The following HERC1 variants were observed in gnomAD, a reference collection of about 807,000 sequenced individuals.
HERC1 encodes HECT and RLD domain containing E3 ubiquitin protein ligase family member 1, also known as probable E3 ubiquitin-protein ligase HERC1.
HERC1 carries 160 observed loss-of-function variants against 554.3 expected under a neutral mutation model. The observed-to-expected ratio is 0.29, with a 90% CI of 0.25 to 0.33. The LOEUF (loss-of-function observed/expected upper bound fraction) is 0.33, where lower values mean the gene tolerates loss of function less well. Ranked by LOEUF, HERC1 falls within the 10% of genes least tolerant of loss-of-function variation. The pLI, the probability that HERC1 is intolerant of heterozygous loss-of-function variation, is 1.00. For synonymous variants in HERC1, 2,175 were observed against 2,131.7 expected (o/e 1.02, Z -0.56); for missense variants, 4,919 against 5,918.5 (o/e 0.83, Z 5.54).
chr15:63,725,441 T>G lies in HERC1; in HGVS notation c.3419A>C (p.Asp1140Ala). 1 of 1,613,750 alleles carries G rather than the reference T, an allele frequency of 6.2e-7. No homozygotes were observed. Among genetic ancestry groups the G allele is most frequent in the South Asian group, 1.1e-5 (1 of 91,058 alleles). ...QPAQSWVWLV[D>A]LERTIALLIG... ...AAGGAGAGCAATTGTTCTTTCTAGA[T>G]CCACAAGCCATACCCAGGACTGAGC... The change falls in exon 18 of 78, where the codon GAT (aspartate) becomes GCT (alanine). Residue 1140 changes from aspartate to alanine, a missense_variant. Physicochemically the swap from Asp to Ala is moderately radical, Grantham distance 126. This residue lies in a region of HERC1 where 1,121 missense variants were observed against 1,244.0 expected (regional missense o/e 0.90). Transcript: ENST00000443617.
Position 63,692,352 on chromosome 15 carries a change from C to G in HERC1, c.5830+59G>C. The G allele has an allele frequency of 7.4e-7, 1 of 1,345,318 alleles. No individual in the cohort carries two copies. The highest frequency in any genetic ancestry group is 2.4e-5 in the East Asian group (1 of 41,132). 83.3% of individuals were successfully genotyped at this position (1,345,318 alleles called of 1,614,324 possible). ...GAGTGTTGCTAAAGTCTGGCATTAT[C>G]TTAATAAAATGCAAGTAATATCTAT... On this transcript the variant is annotated intron_variant, in intron 31 of 77. Coordinates refer to ENST00000443617, the MANE Select transcript of HERC1 (RefSeq NM_003922.4). The surrounding 1 kb of genome is among the most constrained non-coding windows in gnomAD (Gnocchi z 4.7).
chr15:63,690,274 C>T (rs985160445), intron 32 of HERC1, among the ~76,000 whole-genome samples: 4 of 151,940 alleles, frequency 2.6e-5, no homozygotes, highest in African/African-American at 7.3e-5. Flanking sequence ...CTTCCTATAG[C>T]GGTCCAAACC....
chr15:63,831,649 T>C (rs577606942), intron 1 of HERC1, among the ~76,000 whole-genome samples: 7 of 152,232 alleles, frequency 4.6e-5, no homozygotes, highest in African/African-American at 1.7e-4. Context: ...GCCCCCTTTT[T>C]TTTCTATTTC....
intron 34 of HERC1, among the ~76,000 whole-genome samples, chr15:63,681,065 G>T (rs1359388406): frequency 6.6e-6 from 1 of 152,144 alleles, no homozygotes; most frequent in African/African-American, 2.4e-5. Context: ...AGTATGTTTA[G>T]TCCAGAAATT....
chr15:63,744,471 C>A (rs1384625897), intron 12 of HERC1, among the ~76,000 whole-genome samples: 2 of 152,096 alleles, frequency 1.3e-5, no homozygotes, highest in East Asian at 3.9e-4. Context: ...TCTAGAGGTG[C>A]CATCTGGGAG....
chr15:63,784,694 G>A (rs756256258), intron 1 of HERC1, among the ~76,000 whole-genome samples: 21 of 151,820 alleles, frequency 1.4e-4, no homozygotes, highest in Middle Eastern at 3.4e-3. Context: ...TGCAACCTCC[G>A]CCTCCCAGGT....
intron 3 of HERC1, among the ~76,000 whole-genome samples, chr15:63,762,482 C>T (rs1313650617): frequency 6.6e-6 from 1 of 152,082 alleles, no homozygotes; most frequent in African/African-American, 2.4e-5. Context: ...TGCCGCCCCA[C>T]CCAGCTAATT....
rs1038393719 is a variant in HERC1, at chr15:63,774,621, C to T, written c.930+73G>A. 3.8e-6 allele frequency: 4 copies of T among 1,051,798 alleles called. No individual in the cohort carries two copies. In the African/African-American group the frequency reaches 4.8e-5, roughly 13 times the overall value. The allele number at this position is 1,051,798 out of a possible 1,614,324, so 65.2% of individuals were successfully genotyped here. ...GTCTCAAATCATTCACTATTACCACCAATTCATTAAAAACTGCATTGACTT... is the reference window on the plus strand; with the variant it reads ...GTCTCAAATCATTCACTATTACCACTAATTCATTAAAAACTGCATTGACTT... On this transcript the variant is annotated intron_variant, in intron 2 of 77. Transcript: ENST00000443617.
At chr15:63,630,418 GT>G (rs2068495506) in intron 69 of HERC1, 47 bp downstream of exon 69, 1 of 1,565,774 alleles carries the variant, frequency 6.4e-7, no homozygotes, top group African/African-American at 1.4e-5. Flanking sequence ...GAGGAACACT[GT>G]GAGATTTCTA....
chr15:63,727,833 T>C lies in HERC1; in HGVS notation c.3160A>G (p.Ile1054Val). Residue 1054 changes from isoleucine (I) to valine (V), a missense_variant, in exon 17 of 78, where the codon ATA (isoleucine) becomes GTA (valine). This residue lies in a region of HERC1 where 1,121 missense variants were observed against 1,244.0 expected (regional missense o/e 0.90). Transcript: ENST00000443617. This position sits in a 1 kb window ranked among gnomAD's most constrained non-coding sequence, Gnocchi z 4.3. ...GSVGEKLRDV[I>V]YVSAAGSMLC... The stretch of plus-strand genomic sequence containing the variant: ...ATACTGCCAGCAGCTGAGACGTATA[T>C]CACATCTATGAAGGGCAAGAAATTA... 1 of 1,612,672 alleles carries C rather than the reference T, an allele frequency of 6.2e-7. No homozygotes were observed. Among genetic ancestry groups the C allele is most frequent in the Non-Finnish European group, 8.5e-7 (1 of 1,178,926 alleles).
Position 63,674,724 on chromosome 15 carries a change from A to AT in HERC1, c.7463dup (p.Asn2488LysfsTer3). On this transcript the variant is annotated frameshift_variant, in exon 38 of 78. Transcript: ENST00000443617. LOFTEE classifies it high-confidence loss of function. The stretch of plus-strand genomic sequence containing the variant: ...CATGGTTTTTGGACATGTGTTCATG[A>AT]TTTTTTCTTTTCCCTTCTGTTATTT... 1 of 1,613,570 alleles carries AT rather than the reference A, an allele frequency of 6.2e-7. No homozygotes were observed. Among genetic ancestry groups the AT allele is most frequent in the Non-Finnish European group, 8.5e-7 (1 of 1,179,786 alleles).
At chr15:63,654,868 C>CAA (rs879928288) in intron 50 of HERC1, among the ~76,000 whole-genome samples, 2 of 132,066 alleles carry the variant, frequency 1.5e-5, no homozygotes, top group Non-Finnish European at 3.3e-5. Context: ...GACTCCATCT[C>CAA]AAAAAAAAAA....
At chr15:63,686,295 T>C (rs770185844) in intron 34 of HERC1, 64 bp downstream of exon 34, 2 of 1,221,288 alleles carry the variant, frequency 1.6e-6, no homozygotes, top group East Asian at 4.7e-5. Flanking sequence ...ACATTTATTA[T>C]AAGAACCTGG....
intron 50 of HERC1, 27 bp downstream of exon 50, chr15:63,655,715 T>C: frequency 1.4e-6 from 2 of 1,406,764 alleles, no homozygotes; most frequent in Non-Finnish European, 2.0e-6. Context: ...ATTAGAAGAC[T>C]GTATGTTTCA....
chr15:63,637,698 T>C, intron 63 of HERC1, 55 bp from the exon 64 acceptor site: 1 of 1,386,286 alleles, frequency 7.2e-7, no homozygotes, highest in East Asian at 2.5e-5. Flanking sequence ...TGCTTTAACA[T>C]GCAAGCACTT....
rs1183998957 is a variant in HERC1, at chr15:63,727,934, A to C, written c.3155-96T>G. On this transcript the variant is annotated intron_variant, in intron 16 of 77. Transcript: ENST00000443617. The surrounding 1 kb of genome is among the most constrained non-coding windows in gnomAD (Gnocchi z 4.3). The stretch of plus-strand genomic sequence containing the variant: ...TATTATTTTAGCTTGGAACTAGAGT[A>C]GACTCATTCAACAACTCTCTGTTGA... 1 of 924,432 alleles carries C rather than the reference A, an allele frequency of 1.1e-6. No individual in the cohort carries two copies. The highest frequency in any genetic ancestry group is 1.7e-5 in the African/African-American group (1 of 59,978). 57.3% of individuals were successfully genotyped at this position (924,432 alleles called of 1,614,324 possible).
In HERC1 at chr15:63,674,389, A is replaced by G. The variant is rs999307549; in HGVS notation, c.7799T>C (p.Val2600Ala). 32 of 1,613,074 alleles carry G rather than the reference A, an allele frequency of 2.0e-5. No homozygotes were observed. Among genetic ancestry groups the G allele is most frequent in the Non-Finnish European group, 2.5e-5 (29 of 1,179,660 alleles). Residue 2600 changes from valine to alanine, a missense_variant, in exon 38 of 78, where the codon GTG becomes GCG. This residue lies in a region of HERC1 where 1,963 missense variants were observed against 2,228.6 expected (regional missense o/e 0.88). Coordinates refer to ENST00000443617, the MANE Select transcript of HERC1 (RefSeq NM_003922.4). ...ERAQAMIYKL[V>A]VHGLLEDQFG... ...CTGGTCTTCCAAAAGCCCATGAACC[A>G]CTAATTTATAGATCATGGCTTGCGC...
chr15:63,748,663 T>G (rs1353331869), intron 10 of HERC1, among the ~76,000 whole-genome samples: 2 of 152,190 alleles, frequency 1.3e-5, no homozygotes, highest in Non-Finnish European at 2.9e-5. Flanking sequence ...CTTATTTATT[T>G]TGGCTTTTGT....
At position 63,722,080 on chromosome 15, in the gene HERC1, G is replaced by T. The variant is rs562911062; in HGVS notation, c.3742+1102C>A. On this transcript the variant is annotated intron_variant, in intron 19 of 77. Transcript: ENST00000443617. ...GGGTTTTGCCATGTTGGCCAGGCTG[G>T]TCTCAAACTCCTGACCTCAAGTGAT... Among the ~76,000 whole-genome samples the T allele has an allele frequency of 2.2e-3, 331 of 152,254 alleles. 1 individual carries two copies. Among genetic ancestry groups the T allele is most frequent in the Non-Finnish European group, 2.4e-3 (161 of 68,012 alleles).
Sources: allele counts gnomAD v4.1 joint callset (sites outside exome capture counted in the v4.1 genomes callset), GRCh38; gene constraint gnomAD v4.1.1; regional missense constraint gnomAD v4.1.1; non-coding constraint Gnocchi (gnomAD v3.1); transcripts MANE v1.5; gene names NCBI Gene and HGNC (gene_info 2026-07-23, HGNC 2026-07-21).